GRM5: variants seen among roughly 807,000 people sequenced by gnomAD.
GRM5 encodes the protein metabotropic glutamate receptor 5.
In GRM5, 19 loss-of-function variants were observed where a neutral mutation model predicts 83.1. The ratio of observed to expected loss-of-function variants is 0.23; its 90% confidence interval spans 0.16 to 0.34. The LOEUF is 0.34. GRM5 is among the 10% of genes least tolerant of loss of function. GRM5 has a pLI of 1.00. For synonymous variants in GRM5, 675 were observed against 633.6 expected, an observed-to-expected ratio of 1.07 and a Z score of -0.98; for missense variants, 1,160 against 1,588.3, an observed-to-expected ratio of 0.73 and a Z score of 4.58.
At chr11:88,832,067 A>C (rs1195458560) in intron 3 of GRM5, among the ~76,000 whole-genome samples, 1 of 152,174 alleles carries the variant, frequency 6.6e-6, no homozygotes, top group Admixed American at 6.5e-5. Context: ...ATTGTACCAT[A>C]AGCTACTAAG....
intron 3 of GRM5, among the ~76,000 whole-genome samples, chr11:88,656,929 C>A (rs1266945277): frequency 6.6e-6 from 1 of 151,978 alleles, no homozygotes; most frequent in Non-Finnish European, 1.5e-5. Context: ...GTATAAGAGA[C>A]CTGAGCATCT....
At chr11:88,972,364 G>A (rs180787616) in intron 2 of GRM5, among the ~76,000 whole-genome samples, 30 of 152,232 alleles carry the variant, frequency 2.0e-4, no homozygotes, top group African/African-American at 7.2e-4. Context: ...GACTGAAATT[G>A]GCCAGAAGCC....
intron 2 of GRM5, among the ~76,000 whole-genome samples, chr11:88,898,762 T>G (rs938846231): frequency 2.6e-5 from 4 of 152,010 alleles, no homozygotes; most frequent in Non-Finnish European, 2.9e-5. Flanking sequence ...TTCCATTCGT[T>G]ACATTATATT....
intron 2 of GRM5, among the ~76,000 whole-genome samples, chr11:88,994,461 ATAT>A (rs1394106779): frequency 8.4e-6 from 1 of 119,402 alleles, no homozygotes; most frequent in Non-Finnish European, 1.8e-5. Flanking sequence ...ATATATATAT[ATAT>A]ATATATATAT....
chr11:88,638,104 A>G (rs910437809), intron 4 of GRM5, among the ~76,000 whole-genome samples: 7 of 142,134 alleles, frequency 4.9e-5, no homozygotes, highest in African/African-American at 1.8e-4. Context: ...GAATTGAACA[A>G]TGAGAACACA....
intron 2 of GRM5, among the ~76,000 whole-genome samples, chr11:88,874,282 T>C (rs1386569061): frequency 1.3e-5 from 2 of 151,678 alleles, no homozygotes; most frequent in East Asian, 3.9e-4. Flanking sequence ...CAGAAATAAA[T>C]CCATGCATTT....
At chr11:88,935,603 G>C (rs1421351484) in intron 2 of GRM5, among the ~76,000 whole-genome samples, 2 of 151,848 alleles carry the variant, frequency 1.3e-5, no homozygotes. Flanking sequence ...GGAAGAGTGT[G>C]ATGGTCAAAA....
At chr11:89,023,849 CTAAATAAA>C (rs71946693) in intron 2 of GRM5, among the ~76,000 whole-genome samples, 9,785 of 134,390 alleles carry the variant, frequency 0.073, 818 homozygotes, top group African/African-American at 0.21. Context: ...GACTTCATCT[CTAAATAAA>C]TAAATAAATA....
chr11:88,636,231 G>T (rs545940221), intron 4 of GRM5, among the ~76,000 whole-genome samples: 13 of 152,324 alleles, frequency 8.5e-5, no homozygotes, highest in Non-Finnish European at 1.5e-4. Context: ...AAAAGATTCT[G>T]CCAGGCACGG....
At chr11:88,713,024 A>G (rs2892290) in intron 3 of GRM5, among the ~76,000 whole-genome samples, 32,917 of 151,926 alleles carry the variant, frequency 0.22, 3,758 homozygotes, top group Middle Eastern at 0.28. Flanking sequence ...ACAAAAAGGA[A>G]TAACTGCCTT....
At chr11:89,036,530 G>C (rs1319819365) in intron 2 of GRM5, among the ~76,000 whole-genome samples, 1 of 152,012 alleles carries the variant, frequency 6.6e-6, no homozygotes, top group Non-Finnish European at 1.5e-5. Flanking sequence ...TGCCAAGCTT[G>C]ATACTAAGTG....
chr11:88,643,785 T>C (rs1281840303), intron 4 of GRM5, among the ~76,000 whole-genome samples: 2 of 152,206 alleles, frequency 1.3e-5, no homozygotes, highest in African/African-American at 2.4e-5. Flanking sequence ...TCCCCAGTCA[T>C]ATTTTCAGTT....
At chr11:89,060,733 C>T (rs968990899) in intron 1 of GRM5, among the ~76,000 whole-genome samples, 1 of 151,954 alleles carries the variant, frequency 6.6e-6, no homozygotes, top group Non-Finnish European at 1.5e-5. Context: ...TGAAAGCAAA[C>T]CTATGCCTTA....
intron 2 of GRM5, among the ~76,000 whole-genome samples, chr11:89,027,198 C>T (rs867470665): frequency 2.6e-5 from 4 of 151,794 alleles, no homozygotes; most frequent in African/African-American, 4.8e-5. Flanking sequence ...TGGGTTCAAA[C>T]GATTCTCTGG....
intron 3 of GRM5, among the ~76,000 whole-genome samples, chr11:88,806,528 C>A (rs1455210960): frequency 6.6e-6 from 1 of 152,036 alleles, no homozygotes; most frequent in Non-Finnish European, 1.5e-5. Flanking sequence ...GTTCTAGAGG[C>A]AAGAAAGTAA....
intron 3 of GRM5, among the ~76,000 whole-genome samples, chr11:88,821,363 GAAAA>G (rs1415186133): frequency 3.5e-4 from 37 of 104,988 alleles, no homozygotes; most frequent in African/African-American, 1.3e-3. Flanking sequence ...AAAAAAAAAA[GAAAA>G]AAGAAAAAAA....
chr11:88,992,856 G>A (rs193207180), intron 2 of GRM5, among the ~76,000 whole-genome samples: 244 of 147,426 alleles, frequency 1.7e-3, no homozygotes, highest in African/African-American at 5.5e-3. Context: ...ATCACACACC[G>A]GGGCCTGTCG....
Position 88,567,628 on chromosome 11 carries a change from G to A in GRM5, c.2055C>T (p.Pro685=), listed in dbSNP as rs1203022351. Residue 685 remains proline, a synonymous_variant, in exon 8 of 10, where the codon CCC becomes CCT. Transcript: ENST00000305447. The surrounding 1 kb of genome is among the most constrained non-coding windows in gnomAD (Gnocchi z 7.3). Reference sequence around the variant, plus strand: ...GCTGGGCACAGGCACTCATGAATCTGGGCTTTTTGGTACAGATCTTCTTCT... The same window carrying A: ...GCTGGGCACAGGCACTCATGAATCTAGGCTTTTTGGTACAGATCTTCTTCT... ...GSKKKICTKK[P]RFMSACAQLV... is the part of the protein sequence containing the mutation. 7 of 1,614,016 alleles carry A rather than the reference G, an allele frequency of 4.3e-6. No homozygotes were observed. The highest frequency in any genetic ancestry group is 1.1e-5 in the South Asian group (1 of 91,084).
At chr11:88,569,345 A>C (rs1942937421) in intron 7 of GRM5, among the ~76,000 whole-genome samples, 1 of 152,214 alleles carries the variant, frequency 6.6e-6, no homozygotes, top group African/African-American at 2.4e-5. Context: ...AGCATTGGGC[A>C]TTTGAGGAAT....
Sources: gnomAD v4.1 joint callset for allele counts (sites outside exome capture counted in the v4.1 genomes callset) on GRCh38, gnomAD v4.1.1 for gene constraint, Gnocchi (gnomAD v3.1) non-coding constraint, MANE v1.5 for transcripts, NCBI Gene and HGNC (gene_info 2026-07-23, HGNC 2026-07-21) for gene names.